Variants in GSDMD observed in about 807,000 individuals in gnomAD.
GSDMD encodes the protein gasdermin-D.
A neutral mutation model predicts 46.7 loss-of-function variants in GSDMD; 46 were observed. That is an observed-to-expected ratio of 0.99 (90% CI 0.78 to 1.26). GSDMD has a LOEUF of 1.26. Among genes scored for constraint, GSDMD ranks in the 50% most tolerant of loss-of-function variants. GSDMD has a pLI of 0.00. For synonymous variants in GSDMD, 307 were observed against 283.1 expected, an observed-to-expected ratio of 1.08 and a Z score of -0.85; for missense variants, 649 against 638.8, an observed-to-expected ratio of 1.02 and a Z score of -0.17.
upstream of GSDMD, among the ~76,000 whole-genome samples, chr8:143,557,619 A>G (rs1823339729): frequency 6.6e-6 from 1 of 152,212 alleles, no homozygotes; most frequent in Non-Finnish European, 1.5e-5. Flanking sequence ...CTCTTGGAGG[A>G]GCTGCCAGGC....
At chr8:143,560,467 C>T in intron 3 of GSDMD, 136 bp from the exon 4 acceptor site, 1 of 896,376 alleles carries the variant, frequency 1.1e-6, no homozygotes, top group Non-Finnish European at 1.7e-6. Flanking sequence ...CACGGAGAGG[C>T]TGCCGGTGCC....
At chr8:143,558,684 T>C in intron 1 of GSDMD, 1 of 572,446 alleles carries the variant, frequency 1.7e-6, no homozygotes, top group Non-Finnish European at 3.1e-6. Context: ...CCATCCAGGT[T>C]CCCGGGCCGG....
chr8:143,562,151 CG>C lies in GSDMD; in HGVS notation c.996+24del. 1.9e-6 allele frequency: 3 copies of C among 1,597,298 alleles called. No homozygotes were observed. The South Asian group carries it at 3.3e-5, about 18-fold the overall frequency. ...GAGGCGGTGAGCGGGGGAGGGTGCC[CG>C]GGGCACACAAGGCCTGCCCAGCCAG... On this transcript the variant is annotated intron_variant, in intron 8 of 10. Coordinates refer to ENST00000262580, the MANE Select transcript of GSDMD (RefSeq NM_024736.7).
intron 4 of GSDMD, 23 bp downstream of exon 4, chr8:143,560,794 CGCCTGGCCCCCCACGTGGGCAT>C: frequency 6.7e-7 from 1 of 1,500,546 alleles, no homozygotes; most frequent in Middle Eastern, 2.0e-4. Context: ...CCCCGGGCCA[CGCCTGGCCCCCCACGTGGGCAT>C]GCGGCGGCGG....
chr8:143,560,597 A>G lies in GSDMD; in HGVS notation c.411-6A>G. 1 of 1,576,254 alleles carries G rather than the reference A, an allele frequency of 6.3e-7. No individual in the cohort carries two copies. The highest frequency in any genetic ancestry group is 1.2e-5 in the South Asian group (1 of 86,520). On this transcript the variant is annotated splice_polypyrimidine_tract_variant and splice_region_variant and intron_variant, in intron 3 of 10. Coordinates refer to ENST00000262580, the MANE Select transcript of GSDMD (RefSeq NM_024736.7). ...CCCAGCGAGCTTTGCTGCTCCTCGGACACAGGCACCTGCGGCAGCCAGAAC... is the reference window on the plus strand; with the variant it reads ...CCCAGCGAGCTTTGCTGCTCCTCGGGCACAGGCACCTGCGGCAGCCAGAAC...
chr8:143,558,386 C>T lies in GSDMD; in HGVS notation c.-70C>T. On this transcript the variant is annotated 5_prime_UTR_variant, in exon 1 of 11. Coordinates refer to ENST00000262580, the MANE Select transcript of GSDMD (RefSeq NM_024736.7). ...GCTCTGGGCACCTCCAGCTCCTGCT[C>T]GCCGGACGGCTCCCAGGGAGAGCAG... 4.6e-6 allele frequency: 7 copies of T among 1,518,476 alleles called. No individual in the cohort carries two copies. Among genetic ancestry groups the T allele is most frequent in the Middle Eastern group, 1.7e-4 (1 of 5,928 alleles). 94.1% of individuals were successfully genotyped at this position (1,518,476 alleles called of 1,614,324 possible).
upstream of GSDMD, among the ~76,000 whole-genome samples, chr8:143,557,313 TGGC>T (rs1472392832): frequency 3.2e-4 from 45 of 138,662 alleles, 1 homozygote; most frequent in African/African-American, 9.5e-4. Flanking sequence ...GCTGCCGCTA[TGGC>T]GAAGGATGCT....
chr8:143,562,631 C>T (rs1345368954), intron 10 of GSDMD, 31 bp from the exon 11 acceptor site: 1 of 1,601,056 alleles, frequency 6.2e-7, no homozygotes, highest in East Asian at 2.2e-5. Flanking sequence ...CAGATTTCCC[C>T]ATCTGACTCA....
At chr8:143,555,764 A>G (rs1230636105), upstream of GSDMD, among the ~76,000 whole-genome samples, 1 of 152,154 alleles carries the variant, frequency 6.6e-6, no homozygotes, top group African/African-American at 2.4e-5. Flanking sequence ...CCTTAGACCC[A>G]CCTGGTCTGC....
intron 1 of GSDMD, 52 bp from the exon 2 acceptor site, chr8:143,559,280 T>TGGGGC: frequency 1.7e-6 from 1 of 579,428 alleles, no homozygotes. Flanking sequence ...CTTCTCCCAC[T>TGGGGC]CCCTCCCGCC....
At chr8:143,556,938 C>T (rs1399401470), upstream of GSDMD, among the ~76,000 whole-genome samples, 3 of 152,266 alleles carry the variant, frequency 2.0e-5, no homozygotes, top group Non-Finnish European at 4.4e-5. Context: ...GCAAACATCA[C>T]CAACGGCCAA....
chr8:143,560,798 T>C lies in GSDMD; in HGVS notation c.579+27T>C, dbSNP rs375097820. 5.1e-5 allele frequency: 77 copies of C among 1,499,428 alleles called. No homozygotes were observed. The African/African-American group carries it at 8.1e-4, about 16-fold the overall frequency. 92.9% of individuals were successfully genotyped at this position (1,499,428 alleles called of 1,614,324 possible). On this transcript the variant is annotated intron_variant, in intron 4 of 10. Coordinates refer to ENST00000262580, the MANE Select transcript of GSDMD (RefSeq NM_024736.7). ...TGTGTAGCCAGCCCCGGGCCACGCC[T>C]GGCCCCCCACGTGGGCATGCGGCGG...
chr8:143,562,106 T>C lies in GSDMD; in HGVS notation c.971T>C (p.Leu324Pro), dbSNP rs764663996. ...EGLEGVLRDQ[L>P]ALRALEEALE... is the part of the protein sequence containing the mutation. ...CTGGAGGGGGTGCTGCGGGACCAGCTGGCCCTGCGAGCCTTGGAGGAGGCG... is the reference window on the plus strand; with the variant it reads ...CTGGAGGGGGTGCTGCGGGACCAGCCGGCCCTGCGAGCCTTGGAGGAGGCG... Residue 324 changes from leucine to proline, a missense_variant, in exon 8 of 11, where the codon CTG (leucine) becomes CCG (proline). Leu to Pro is a moderately conservative substitution (Grantham distance 98, BLOSUM62 -3). Coordinates refer to ENST00000262580, the MANE Select transcript of GSDMD (RefSeq NM_024736.7). The C allele has an allele frequency of 8.6e-5, 137 of 1,597,332 alleles. No individual in the cohort carries two copies. Among genetic ancestry groups the C allele is most frequent in the Non-Finnish European group, 1.1e-4 (132 of 1,177,910 alleles).
chr8:143,555,096 A>G (rs1474133761), upstream of GSDMD: 1 of 152,290 alleles, frequency 6.6e-6, no homozygotes, highest in Non-Finnish European at 1.5e-5. Context: ...ACACACCACC[A>G]GAAATCCCCT....
intron 3 of GSDMD, 142 bp downstream of exon 3, chr8:143,560,111 C>A (rs146277165): frequency 1.1e-5 from 9 of 807,962 alleles, no homozygotes; most frequent in Non-Finnish European, 8.5e-6. Flanking sequence ...TGGCCTCAAG[C>A]AGTCCTCCTG....
upstream of GSDMD, chr8:143,557,864 C>T (rs1249384234): frequency 7.3e-6 from 3 of 412,154 alleles, no homozygotes; most frequent in Non-Finnish European, 1.4e-5. Flanking sequence ...AAGATCTGCC[C>T]AGACCCTTCG....
At chr8:143,558,890 G>A (rs747155420) in intron 1 of GSDMD, 2 of 470,910 alleles carry the variant, frequency 4.2e-6, no homozygotes, top group Non-Finnish European at 8.2e-6. Context: ...CAGGCACAGA[G>A]AAGGCCCTGG....
chr8:143,559,629 C>A, intron 2 of GSDMD, 77 bp downstream of exon 2: 1 of 1,474,696 alleles, frequency 6.8e-7, no homozygotes, highest in Non-Finnish European at 9.3e-7. Flanking sequence ...CAACCATCCA[C>A]TGGGCTCTGC....
intron 3 of GSDMD, 99 bp from the exon 4 acceptor site, chr8:143,560,504 C>T (rs1823426457): frequency 2.3e-6 from 3 of 1,312,320 alleles, no homozygotes; most frequent in Non-Finnish European, 3.1e-6. Flanking sequence ...TCTGGAGGGC[C>T]CCTCTGCACC....
Sources: gnomAD v4.1 joint callset for allele counts (sites outside exome capture counted in the v4.1 genomes callset) on GRCh38, gnomAD v4.1.1 for gene constraint, MANE v1.5 for transcripts, NCBI Gene and HGNC (gene_info 2026-07-23, HGNC 2026-07-21) for gene names.